Variants in FYCO1 observed in about 807,000 individuals in gnomAD.
The protein encoded by FYCO1 is FYVE and coiled-coil domain-containing protein 1.
FYCO1 carries 122 observed loss-of-function variants against 165.1 expected under a neutral mutation model. The observed-to-expected ratio is 0.74, with a 90% CI of 0.64 to 0.86. FYCO1 has a LOEUF of 0.86. FYCO1 is among the 40% of genes least tolerant of loss of function. The probability of loss-of-function intolerance (pLI) is 0.00; values close to 1 mark genes in which losing one functional copy is unlikely to be tolerated. For synonymous variants in FYCO1, 648 were observed against 742.5 expected, an observed-to-expected ratio of 0.87 and a Z score of 2.07; for missense variants, 1,702 against 1,810.3, an observed-to-expected ratio of 0.94 and a Z score of 1.09.
chr3:45,954,216 T>TG (rs35590437), intron 14 of FYCO1, among the ~76,000 whole-genome samples: 2,887 of 151,812 alleles, frequency 0.019, 93 homozygotes, highest in African/African-American at 0.061. Flanking sequence ...TGACATTTTT[T>TG]GGGGGGGGTA....
chr3:45,940,569 G>A (rs1320840179), intron 14 of FYCO1, among the ~76,000 whole-genome samples: 4 of 152,194 alleles, frequency 2.6e-5, no homozygotes, highest in Non-Finnish European at 5.9e-5. Context: ...AGTCGGGGGA[G>A]AAGAAACATA....
At chr3:45,933,646 A>G (rs1310989172) in intron 15 of FYCO1, among the ~76,000 whole-genome samples, 1 of 152,138 alleles carries the variant, frequency 6.6e-6, no homozygotes, top group Non-Finnish European at 1.5e-5. Context: ...GGGCAGGAGA[A>G]GGAAGGCGGA....
chr3:45,959,948 T>C (rs888480036), intron 11 of FYCO1, among the ~76,000 whole-genome samples: 4 of 152,230 alleles, frequency 2.6e-5, no homozygotes, highest in Non-Finnish European at 5.9e-5. Context: ...CTTAATGTGC[T>C]TGGGGCCCTT....
Position 45,966,888 on chromosome 3 carries a change from C to G in FYCO1, c.2446G>C (p.Ala816Pro), listed in dbSNP as rs1417318148. ...QDKVQSQLSMAEAVLREHKTL... is the reference protein window; with the variant it reads ...QDKVQSQLSMPEAVLREHKTL... ...TTGTGCTCCCTCAGGACGGCCTCAG[C>G]CATGCTTAGCTGGCTCTGCACCTTG... Residue 816 changes from alanine (A) to proline (P), a missense_variant, in exon 8 of 18, where the codon GCT (alanine) becomes CCT (proline). Coordinates refer to ENST00000296137, the MANE Select transcript of FYCO1 (RefSeq NM_024513.4). The G allele has an allele frequency of 6.2e-7, 1 of 1,613,498 alleles. No individual in the cohort carries two copies. The highest frequency in any genetic ancestry group is 1.3e-5 in the African/African-American group (1 of 75,076).
intron 15 of FYCO1, among the ~76,000 whole-genome samples, chr3:45,934,591 C>T (rs962080894): frequency 3.9e-5 from 6 of 152,334 alleles, no homozygotes; most frequent in Middle Eastern, 6.8e-3. Flanking sequence ...GAATTATATA[C>T]CACAGCCAGT....
intron 2 of FYCO1, among the ~76,000 whole-genome samples, chr3:45,982,251 C>T (rs990441166): frequency 4.6e-5 from 7 of 151,932 alleles, no homozygotes; most frequent in Middle Eastern, 3.4e-3. Context: ...TGCCTTATTT[C>T]GATGAATCTA....
chr3:45,969,786 C>T (rs959982086), intron 6 of FYCO1, 21 bp from the exon 7 acceptor site: 1 of 1,605,812 alleles, frequency 6.2e-7, no homozygotes, highest in Admixed American at 1.7e-5. Context: ...ACAAAACAGA[C>T]ATACCTGTAT....
At chr3:45,942,715 TAG>T (rs1704305947) in intron 14 of FYCO1, among the ~76,000 whole-genome samples, 1 of 152,192 alleles carries the variant, frequency 6.6e-6, no homozygotes, top group Non-Finnish European at 1.5e-5. Flanking sequence ...GACTGACAAC[TAG>T]AACTGTACTG....
chr3:45,984,026 T>G, intron 2 of FYCO1, among the ~76,000 whole-genome samples: 1 of 152,064 alleles, frequency 6.6e-6, no homozygotes, highest in East Asian at 1.9e-4. Flanking sequence ...GTTAGAAGCC[T>G]GGGCCTTTAG....
At chr3:45,970,698 G>A (rs1706372593) in intron 6 of FYCO1, among the ~76,000 whole-genome samples, 1 of 152,090 alleles carries the variant, frequency 6.6e-6, no homozygotes, top group Non-Finnish European at 1.5e-5. Flanking sequence ...GAGTAAATGG[G>A]CAAAGCTGTG....
intron 11 of FYCO1, among the ~76,000 whole-genome samples, chr3:45,961,069 G>A (rs1016297586): frequency 6.6e-6 from 1 of 152,170 alleles, no homozygotes; most frequent in African/African-American, 2.4e-5. Flanking sequence ...GATGCAATCG[G>A]CAAAAGTAGA....
chr3:45,973,293 C>G, intron 5 of FYCO1, 62 bp from the exon 6 acceptor site: 2 of 1,534,754 alleles, frequency 1.3e-6, no homozygotes, highest in South Asian at 2.2e-5. Flanking sequence ...ACTCAGTCCT[C>G]CCACTGTGGC....
At chr3:45,987,489 G>C (rs1490573351) in intron 1 of FYCO1, among the ~76,000 whole-genome samples, 2 of 152,192 alleles carry the variant, frequency 1.3e-5, no homozygotes, top group East Asian at 3.9e-4. Context: ...TGATGGCCAG[G>C]CCTAAAAAGT....
chr3:45,936,027 A>G (rs907677991), intron 15 of FYCO1, among the ~76,000 whole-genome samples: 6 of 152,264 alleles, frequency 3.9e-5, no homozygotes, highest in African/African-American at 1.4e-4. Flanking sequence ...AATTATATGC[A>G]TATATGTGTA....
rs2125842995 is a variant in FYCO1 at position 45,962,116 on chromosome 3, A to G, written c.3437+109T>C. 1 of 1,253,972 alleles carries G rather than the reference A, an allele frequency of 8.0e-7. No homozygotes were observed. The highest frequency in any genetic ancestry group is 2.6e-4 in the Middle Eastern group (1 of 3,900). The allele number at this position is 1,253,972 out of a possible 1,614,324, so 77.7% of individuals were successfully genotyped here. A position where few individuals can be genotyped will look rare whatever the true frequency, so the allele number is the denominator to read the frequency against. On this transcript the variant is annotated intron_variant, in intron 11 of 17. Transcript: ENST00000296137. The surrounding 1 kb of genome is among the most constrained non-coding windows in gnomAD (Gnocchi z 4.4). The stretch of plus-strand genomic sequence containing the variant: ...AGAGAGGGGCTCCTGAGACAGCAGC[A>G]AGAAAGTGGGGAAATTTCTGAAGTA...
At chr3:45,970,444 T>C (rs767975678) in intron 6 of FYCO1, among the ~76,000 whole-genome samples, 8 of 152,180 alleles carry the variant, frequency 5.3e-5, no homozygotes, top group Non-Finnish European at 8.8e-5. Flanking sequence ...CATATGTACA[T>C]AAGGAGACAG....
intron 15 of FYCO1, among the ~76,000 whole-genome samples, chr3:45,934,976 A>G (rs1482843710): frequency 6.6e-6 from 1 of 152,170 alleles, no homozygotes; most frequent in South Asian, 2.1e-4. Flanking sequence ...ATACTCCCCC[A>G]GCATCAACAG....
rs1488896766 is a variant in FYCO1 at position 45,962,238 on chromosome 3, T to G, written c.3424A>C (p.Ile1142Leu). The G allele has an allele frequency of 3.7e-5, 60 of 1,614,032 alleles. No individual in the cohort carries two copies. The highest frequency in any genetic ancestry group is 5.1e-5 in the Non-Finnish European group (60 of 1,179,996). ...CACAGCACTCACCTGAGCAGCTCTATCAGCCGCTCCTCGAGATACTTCTTG... is the reference window on the plus strand; with the variant it reads ...CACAGCACTCACCTGAGCAGCTCTAGCAGCCGCTCCTCGAGATACTTCTTG... ...RTKKYLEERL[I>L]ELLRDKDALW... Residue 1142 changes from isoleucine to leucine, a missense_variant, in exon 11 of 18, where the codon ATA becomes CTA. Transcript: ENST00000296137. The surrounding 1 kb of genome is among the most constrained non-coding windows in gnomAD (Gnocchi z 4.4).
intron 14 of FYCO1, among the ~76,000 whole-genome samples, chr3:45,950,399 C>G (rs552984145): frequency 3.8e-4 from 58 of 152,086 alleles, no homozygotes; most frequent in Non-Finnish European, 7.6e-4. Context: ...GACACTGACT[C>G]TAGGGGCTAC....
Sources: allele counts gnomAD v4.1 joint callset (sites outside exome capture counted in the v4.1 genomes callset), GRCh38; gene constraint gnomAD v4.1.1; non-coding constraint Gnocchi (gnomAD v3.1); transcripts MANE v1.5; gene names NCBI Gene and HGNC (gene_info 2026-07-23, HGNC 2026-07-21).